Variants in KDM4C observed in about 807,000 individuals in gnomAD.
KDM4C encodes the protein lysine demethylase 4C, also known as lysine-specific demethylase 4C.
A neutral mutation model predicts 129.3 loss-of-function variants in KDM4C; 81 were observed. The observed-to-expected ratio is 0.63, with a 90% CI of 0.52 to 0.75. The LOEUF (loss-of-function observed/expected upper bound fraction) is 0.75, where lower values mean the gene tolerates loss of function less well. Among genes scored for constraint, KDM4C ranks in the 30% least tolerant of loss-of-function variants. The probability of loss-of-function intolerance (pLI) is 0.00; values close to 1 mark genes in which losing one functional copy is unlikely to be tolerated. For missense variants in KDM4C, 1,457 were observed against 1,304.0 expected (o/e 1.12, Z -1.81); for synonymous variants, 573 against 456.1 (o/e 1.26, Z -3.26).
At chr9:6,998,813 C>A (rs778276343) in intron 12 of KDM4C, among the ~76,000 whole-genome samples, 5 of 152,016 alleles carry the variant, frequency 3.3e-5, no homozygotes, top group Non-Finnish European at 7.4e-5. Flanking sequence ...ACAAACCAAC[C>A]AACAAACAAA....
chr9:6,981,159 G>T (rs1310607019), intron 9 of KDM4C, 41 bp downstream of exon 9: 2 of 1,517,230 alleles, frequency 1.3e-6, no homozygotes, highest in South Asian at 1.3e-5. Context: ...TGCCTGTCGT[G>T]TTTTCTCAGT....
rs143130590 is a variant in KDM4C at position 7,041,900 on chromosome 9, A to G, written c.2260-4962A>G. ...GAATATCTTTTGCTGTTTAGACCAC[A>G]GTTGCCTGGACTTTGAGTTCCTGGA... On this transcript the variant is annotated intron_variant, in intron 15 of 21. Transcript: ENST00000381309. 3.3e-5 allele frequency among the ~76,000 whole-genome samples: 5 copies of G among 152,114 alleles called. No individual in the cohort carries two copies. In the East Asian group the frequency reaches 9.7e-4, roughly 29 times the overall value.
chr9:6,915,779 T>A (rs1470087831), intron 8 of KDM4C, among the ~76,000 whole-genome samples: 1 of 152,176 alleles, frequency 6.6e-6, no homozygotes, highest in East Asian at 1.9e-4. Flanking sequence ...GGGCTAGTTT[T>A]ACACTTCCAG....
intron 3 of KDM4C, among the ~76,000 whole-genome samples, chr9:6,814,404 A>C (rs1831703942): frequency 6.6e-6 from 1 of 152,178 alleles, no homozygotes; most frequent in Admixed American, 6.5e-5. Flanking sequence ...GTTTTCGTGA[A>C]AGTAGTTTTC....
At chr9:6,917,296 C>T (rs966600423) in intron 8 of KDM4C, among the ~76,000 whole-genome samples, 1 of 152,198 alleles carries the variant, frequency 6.6e-6, no homozygotes, top group African/African-American at 2.4e-5. Flanking sequence ...CTCTCAAGCT[C>T]TTTTTCTCCA....
At chr9:7,017,334 C>T (rs1370971928) in intron 15 of KDM4C, among the ~76,000 whole-genome samples, 1 of 152,170 alleles carries the variant, frequency 6.6e-6, no homozygotes, top group African/African-American at 2.4e-5. Flanking sequence ...CTGTACTAGG[C>T]ATTGCTGTGA....
chr9:6,992,348 A>C (rs760690518), intron 12 of KDM4C, among the ~76,000 whole-genome samples: 25 of 152,180 alleles, frequency 1.6e-4, no homozygotes, highest in Non-Finnish European at 3.2e-4. Flanking sequence ...AAGATTTATA[A>C]ATGGATTGGT....
chr9:7,011,551 C>T (rs112438110), intron 12 of KDM4C, 147 bp from the exon 13 acceptor site: 18 of 687,584 alleles, frequency 2.6e-5, no homozygotes, highest in Middle Eastern at 4.1e-4. Context: ...TATCCTGGCT[C>T]TCTCAGGATG....
intron 15 of KDM4C, among the ~76,000 whole-genome samples, chr9:7,017,738 T>C (rs185021054): frequency 1.3e-5 from 2 of 152,292 alleles, no homozygotes; most frequent in East Asian, 3.8e-4. Flanking sequence ...TTTACTTTAT[T>C]CCTCAATGAT....
chr9:7,125,143 C>T (rs1839906066), intron 18 of KDM4C, among the ~76,000 whole-genome samples: 1 of 152,294 alleles, frequency 6.6e-6, no homozygotes, highest in Middle Eastern at 3.4e-3. Context: ...ACCCCTGCTC[C>T]CCGGGCCATT....
intron 1 of KDM4C, among the ~76,000 whole-genome samples, chr9:6,771,080 CTTT>C (rs35945405): frequency 0.087 from 4,895 of 56,322 alleles, 133 homozygotes; most frequent in Non-Finnish European, 0.12. Flanking sequence ...GACTGTGAAT[CTTT>C]TTTTTTTTTT....
chr9:6,990,479 A>G lies in KDM4C; in HGVS notation c.1741A>G (p.Arg581Gly). 6.2e-7 allele frequency: 1 copy of G among 1,613,892 alleles called. No homozygotes were observed. Among genetic ancestry groups the G allele is most frequent in the Non-Finnish European group, 8.5e-7 (1 of 1,179,946 alleles). Residue 581 changes from arginine (R) to glycine (G), a missense_variant, in exon 12 of 22, where the codon AGA becomes GGA. Arg to Gly is a moderately radical substitution (Grantham distance 125). Transcript: ENST00000381309. ...CCATCCACTTAGCAGGCCTCCAGCA[A>G]GATCTCCGATGACTCTTGTGAAGCA... ...WRHPLSRPPA[R>G]SPMTLVKQQA...
At chr9:7,018,772 T>C (rs1563991198) in intron 15 of KDM4C, among the ~76,000 whole-genome samples, 1 of 152,232 alleles carries the variant, frequency 6.6e-6, no homozygotes, top group Non-Finnish European at 1.5e-5. Flanking sequence ...TGTTTTCATG[T>C]AGCATGTTTC....
chr9:6,844,325 G>A (rs961573774), intron 4 of KDM4C, among the ~76,000 whole-genome samples: 1 of 151,828 alleles, frequency 6.6e-6, no homozygotes, highest in East Asian at 1.9e-4. Flanking sequence ...TGTGTATTTT[G>A]ACAATAAATG....
intron 17 of KDM4C, among the ~76,000 whole-genome samples, chr9:7,100,200 T>C (rs545332040): frequency 1.3e-5 from 2 of 152,332 alleles, no homozygotes; most frequent in South Asian, 4.1e-4. Flanking sequence ...ATTTTGAGCC[T>C]AGGCAGCATG....
chr9:7,086,170 AAC>A (rs1835095969), intron 17 of KDM4C, among the ~76,000 whole-genome samples: 1 of 152,174 alleles, frequency 6.6e-6, no homozygotes, highest in South Asian at 2.1e-4. Context: ...AAAAAACAAA[AAC>A]AGTTATTCTT....
intron 18 of KDM4C, among the ~76,000 whole-genome samples, chr9:7,126,836 A>G (rs1407561429): frequency 6.6e-6 from 1 of 152,122 alleles, no homozygotes. Context: ...CAGACAAGAT[A>G]GTAAAGAACT....
At chr9:6,781,986 G>C (rs540624604) in intron 1 of KDM4C, among the ~76,000 whole-genome samples, 3 of 151,990 alleles carry the variant, frequency 2.0e-5, no homozygotes, top group South Asian at 2.1e-4. Context: ...CACCATGCCC[G>C]GCTAATTTTT....
intron 15 of KDM4C, among the ~76,000 whole-genome samples, chr9:7,036,491 C>G (rs1261216648): frequency 1.3e-5 from 2 of 152,154 alleles, no homozygotes; most frequent in African/African-American, 2.4e-5. Context: ...CAGAGCGGTG[C>G]TCTGAACACC....
Sources: allele counts gnomAD v4.1 joint callset (sites outside exome capture counted in the v4.1 genomes callset), GRCh38; gene constraint gnomAD v4.1.1; transcripts MANE v1.5; gene names NCBI Gene and HGNC (gene_info 2026-07-23, HGNC 2026-07-21).